MDN1: variants seen among roughly 807,000 people sequenced by gnomAD.
MDN1 encodes the protein midasin AAA ATPase 1.
In MDN1, 266 loss-of-function variants were observed where a neutral mutation model predicts 669.2. That is an observed-to-expected ratio of 0.40 (90% CI 0.36 to 0.44). The LOEUF (loss-of-function observed/expected upper bound fraction) is 0.44, where lower values mean the gene tolerates loss of function less well. MDN1 is among the 20% of genes least tolerant of loss of function. The pLI, the probability that MDN1 is intolerant of heterozygous loss-of-function variation, is 1.00. For missense variants in MDN1, 5,940 were observed against 6,754.0 expected, an observed-to-expected ratio of 0.88 and a Z score of 4.22; for synonymous variants, 2,385 against 2,457.1, an observed-to-expected ratio of 0.97 and a Z score of 0.87.
At chr6:89,804,226 A>G (rs184237283) in intron 1 of MDN1, among the ~76,000 whole-genome samples, 1 of 152,196 alleles carries the variant, frequency 6.6e-6, no homozygotes, top group Admixed American at 6.6e-5. Flanking sequence ...ATTTATGTAA[A>G]TAATATTCAT....
Position 89,756,406 on chromosome 6 carries a change from T to A in MDN1, c.2703-16A>T, listed in dbSNP as rs759813647. ...TTCTGTGAACCTGTAAAACAATACATAATAAACACTTTTTAGGAAGTTAAT... is the reference window on the plus strand; with the variant it reads ...TTCTGTGAACCTGTAAAACAATACAAAATAAACACTTTTTAGGAAGTTAAT... On this transcript the variant is annotated splice_polypyrimidine_tract_variant and intron_variant, in intron 19 of 101. Coordinates refer to ENST00000369393, the MANE Select transcript of MDN1 (RefSeq NM_014611.3). The A allele has an allele frequency of 8.2e-7, 1 of 1,223,242 alleles. No individual in the cohort carries two copies. The highest frequency in any genetic ancestry group is 1.2e-6 in the Non-Finnish European group (1 of 851,960). The allele number at this position is 1,223,242 out of a possible 1,614,324, so 75.8% of individuals were successfully genotyped here.
chr6:89,791,842 G>A (rs1183718782), intron 5 of MDN1, among the ~76,000 whole-genome samples: 3 of 144,590 alleles, frequency 2.1e-5, no homozygotes, highest in Non-Finnish European at 3.0e-5. Flanking sequence ...AGTAAAAAAT[G>A]TTAACATGGT....
intron 52 of MDN1, 67 bp from the exon 53 acceptor site, chr6:89,706,259 A>G (rs1813505895): frequency 6.7e-7 from 1 of 1,483,140 alleles, no homozygotes; most frequent in Non-Finnish European, 9.1e-7. Context: ...GACATTTTCA[A>G]AATAAACTGT....
intron 43 of MDN1, 137 bp from the exon 44 acceptor site, chr6:89,716,946 C>T: frequency 9.8e-7 from 1 of 1,019,058 alleles, no homozygotes. Flanking sequence ...GAATGTTTTG[C>T]TTCTGTTTAA....
intron 1 of MDN1, among the ~76,000 whole-genome samples, chr6:89,811,646 A>C (rs913854823): frequency 5.9e-5 from 9 of 152,036 alleles, no homozygotes; most frequent in African/African-American, 1.9e-4. Flanking sequence ...GGGTTTCACC[A>C]TATTGGCCAG....
intron 45 of MDN1, among the ~76,000 whole-genome samples, chr6:89,715,165 C>T (rs1814263912): frequency 6.6e-6 from 1 of 152,184 alleles, no homozygotes; most frequent in Admixed American, 6.5e-5. Context: ...TGAAAGTAAA[C>T]AGCTGATTCC....
rs1815544285 is a variant in MDN1, at chr6:89,730,824, T to C, written c.5042A>G (p.Tyr1681Cys). ...RLAKIVRLTEYQKNELKIYDR... is the reference protein window; with the variant it reads ...RLAKIVRLTECQKNELKIYDR... ...ATAAATCTTCAACTCATTTTTCTGA[T>C]ATTCTGTAAGTCGTACTATCTTGGC... Residue 1681 changes from tyrosine (Y) to cysteine (C), a missense_variant, in exon 35 of 102, where the codon TAT becomes TGT. By Grantham distance (194) the Tyr-to-Cys change is radical (BLOSUM62 -2). This residue lies in a region of MDN1 where 2,292 missense variants were observed against 2,638.3 expected (regional missense o/e 0.87). Coordinates refer to ENST00000369393, the MANE Select transcript of MDN1 (RefSeq NM_014611.3). The C allele has an allele frequency of 6.2e-7, 1 of 1,613,964 alleles. No individual in the cohort carries two copies. Among genetic ancestry groups the C allele is most frequent in the African/African-American group, 1.3e-5 (1 of 74,928 alleles).
chr6:89,769,695 G>A (rs1282531052), intron 15 of MDN1, among the ~76,000 whole-genome samples: 1 of 152,122 alleles, frequency 6.6e-6, no homozygotes, highest in African/African-American at 2.4e-5. Context: ...TCACCAAGTT[G>A]GCACCAAAAC....
chr6:89,735,241 C>T (rs149641309), intron 33 of MDN1, among the ~76,000 whole-genome samples: 21 of 151,166 alleles, frequency 1.4e-4, no homozygotes, highest in African/African-American at 4.9e-4. Flanking sequence ...ACTAATGTAC[C>T]AATACTTGGT....
At chr6:89,721,564 G>C (rs576150340) in intron 40 of MDN1, among the ~76,000 whole-genome samples, 24 of 152,260 alleles carry the variant, frequency 1.6e-4, no homozygotes, top group African/African-American at 4.8e-4. Flanking sequence ...AGGCAGACCT[G>C]TTATCCTAAA....
intron 27 of MDN1, among the ~76,000 whole-genome samples, chr6:89,746,617 AAGAAAGAAAG>A (rs1490945715): frequency 3.2e-4 from 3 of 9,514 alleles, no homozygotes. Context: ...AAAAAAAAGA[AAGAAAGAAAG>A]AAAGAAAGAA....
chr6:89,751,677 G>A (rs1388201016), intron 22 of MDN1, 95 bp from the exon 23 acceptor site: 30 of 1,285,818 alleles, frequency 2.3e-5, no homozygotes, highest in Non-Finnish European at 3.1e-5. Flanking sequence ...TGAACAAGCT[G>A]TCTTGTTCTG....
intron 75 of MDN1, 22 bp downstream of exon 75, chr6:89,678,577 G>A (rs542807145): frequency 6.2e-7 from 1 of 1,608,926 alleles, no homozygotes; most frequent in Non-Finnish European, 8.5e-7. Flanking sequence ...ACATTTCATT[G>A]GGTTTCAAGT....
chr6:89,803,908 T>TTTTTTA (rs1767845605), intron 1 of MDN1, among the ~76,000 whole-genome samples: 1 of 110,112 alleles, frequency 9.1e-6, no homozygotes, highest in African/African-American at 3.9e-5. Flanking sequence ...TTTTTTTTTT[T>TTTTTTA]TTTTTTTTTT....
intron 11 of MDN1, among the ~76,000 whole-genome samples, 158 bp downstream of exon 11, chr6:89,780,054 G>A (rs72919916): frequency 0.11 from 16,720 of 150,094 alleles, 1,031 homozygotes; most frequent in South Asian, 0.16. Context: ...GGACAAGAGC[G>A]AGAGACTTCG....
At chr6:89,816,211 C>A (rs1415583919) in intron 1 of MDN1, among the ~76,000 whole-genome samples, 2 of 151,516 alleles carry the variant, frequency 1.3e-5, no homozygotes, top group Non-Finnish European at 2.9e-5. Flanking sequence ...ACCAGCCTGG[C>A]TAACATGGTG....
At chr6:89,817,203 G>A (rs564247865) in intron 1 of MDN1, among the ~76,000 whole-genome samples, 18 of 152,210 alleles carry the variant, frequency 1.2e-4, no homozygotes, top group African/African-American at 4.3e-4. Flanking sequence ...GCTGTAGCCC[G>A]ACCACCTTGG....
At chr6:89,654,087 A>G in intron 93 of MDN1, 77 bp downstream of exon 93, 1 of 1,494,204 alleles carries the variant, frequency 6.7e-7, no homozygotes. Flanking sequence ...TGAACACCAG[A>G]CTAGATTATA....
At chr6:89,756,820 C>A (rs1334371829) in intron 19 of MDN1, among the ~76,000 whole-genome samples, 1 of 151,648 alleles carries the variant, frequency 6.6e-6, no homozygotes, top group Non-Finnish European at 1.5e-5. Flanking sequence ...AATAGGGAGG[C>A]TGAGGCAGGA....
Sources: gnomAD v4.1 joint callset for allele counts (sites outside exome capture counted in the v4.1 genomes callset) on GRCh38, gnomAD v4.1.1 for gene constraint, gnomAD v4.1.1 regional missense constraint, MANE v1.5 for transcripts, NCBI Gene and HGNC (gene_info 2026-07-23, HGNC 2026-07-21) for gene names.